Variants in NPAS1 observed in about 807,000 individuals in gnomAD.
NPAS1 encodes neuronal PAS domain protein 1, also known as neuronal PAS domain-containing protein 1.
NPAS1 carries 29 observed loss-of-function variants against 49.2 expected under a neutral mutation model. The ratio of observed to expected loss-of-function variants is 0.59; its 90% CI spans 0.44 to 0.80. The LOEUF is 0.80. Ranked by LOEUF, NPAS1 falls within the 30% of genes least tolerant of loss-of-function variation. NPAS1 has a pLI of 0.00. For missense variants in NPAS1, 825 were observed against 835.5 expected, an observed-to-expected ratio of 0.99 and a Z score of 0.15; for synonymous variants, 408 against 380.4, an observed-to-expected ratio of 1.07 and a Z score of -0.84.
intron 3 of NPAS1, among the ~76,000 whole-genome samples, chr19:47,023,808 A>G (rs1220766643): frequency 6.6e-6 from 1 of 152,088 alleles, no homozygotes; most frequent in Non-Finnish European, 1.5e-5. Flanking sequence ...CCATGTCCCT[A>G]CAAAAATAAA....
chr19:47,032,581 G>A lies in NPAS1; in HGVS notation c.433-62G>A, dbSNP rs1568503820. 4 of 1,476,594 alleles carry A rather than the reference G, an allele frequency of 2.7e-6. No homozygotes were observed. In the East Asian group the frequency reaches 9.0e-5, roughly 33 times the overall value. The allele number at this position is 1,476,594 out of a possible 1,614,324, so 91.5% of individuals were successfully genotyped here. ...CAGGTTTCAGAACCTCTTACCACTT[G>A]GCGGCTGGACAGAGGGACACCGGGT... On this transcript the variant is annotated intron_variant, in intron 4 of 11. Coordinates refer to ENST00000602212, the MANE Select transcript of NPAS1 (RefSeq NM_002517.4).
At chr19:47,041,247 C>T (rs546690535) in intron 10 of NPAS1, 122 bp downstream of exon 10, 15 of 948,274 alleles carry the variant, frequency 1.6e-5, no homozygotes, top group East Asian at 6.3e-5. Context: ...TCTGCAGACA[C>T]GAAGGGGAAG....
chr19:47,023,759 C>A (rs1248053675), intron 3 of NPAS1, among the ~76,000 whole-genome samples: 1 of 152,024 alleles, frequency 6.6e-6, no homozygotes, highest in Non-Finnish European at 1.5e-5. Flanking sequence ...TCGAGACCAG[C>A]CAGGGCAACA....
intron 3 of NPAS1, among the ~76,000 whole-genome samples, chr19:47,023,900 T>A (rs1369601356): frequency 3.3e-5 from 5 of 151,846 alleles, no homozygotes; most frequent in South Asian, 2.1e-4. Flanking sequence ...AGGTCAGGAG[T>A]TCGAGACCAT....
At chr19:47,023,240 C>T (rs1324595131) in intron 3 of NPAS1, among the ~76,000 whole-genome samples, 1 of 151,866 alleles carries the variant, frequency 6.6e-6, no homozygotes, top group Non-Finnish European at 1.5e-5. Context: ...GGGGGATAAA[C>T]ATCTTGTCTA....
intron 3 of NPAS1, among the ~76,000 whole-genome samples, chr19:47,030,056 C>G (rs1187204970): frequency 6.6e-6 from 1 of 152,036 alleles, no homozygotes; most frequent in Non-Finnish European, 1.5e-5. Flanking sequence ...TGGAGTCTCG[C>G]TCTGTCACCC....
intron 5 of NPAS1, chr19:47,035,218 G>GAAGAAA (rs1315177877): frequency 6.5e-6 from 1 of 153,508 alleles, no homozygotes; most frequent in African/African-American, 2.4e-5. Context: ...AGAAGAAGAA[G>GAAGAAA]AAGGAAAGGC....
Position 47,045,486 on chromosome 19 carries a change from G to A in NPAS1, c.1608G>A (p.Leu536=). Residue 536 remains leucine (L), a synonymous_variant, in exon 12 of 12, where the codon CTG becomes CTA. Transcript: ENST00000602212. ...AGFLPPVVRG[L]CTPGTIRYGP... The stretch of plus-strand genomic sequence containing the variant: ...TCCTGCCGCCGGTGGTGCGGGGCCT[G>A]TGCACACCCGGCACCATCCGCTACG... The A allele has an allele frequency of 1.3e-6, 2 of 1,566,028 alleles. No individual in the cohort carries two copies. Among genetic ancestry groups the A allele is most frequent in the Non-Finnish European group, 1.7e-6 (2 of 1,160,232 alleles).
intron 10 of NPAS1, among the ~76,000 whole-genome samples, chr19:47,041,373 A>G (rs1048082493): frequency 2.0e-5 from 3 of 152,072 alleles, no homozygotes; most frequent in Non-Finnish European, 4.4e-5. Context: ...GGGCAGGCTC[A>G]CAGCCTCCTC....
Position 47,041,037 on chromosome 19 carries a change from T to G in NPAS1, c.1129T>G (p.Phe377Val). The change falls in exon 10 of 12, where the codon TTC (phenylalanine) becomes GTC (valine). Residue 377 changes from phenylalanine (F) to valine (V), a missense_variant. Phe to Val is a conservative substitution (Grantham distance 50, BLOSUM62 -1). Coordinates refer to ENST00000602212, the MANE Select transcript of NPAS1 (RefSeq NM_002517.4). ...CCGTTGGCTGCAGCGTGCCGGGGGC[T>G]TCGTGTGGCTGCAGTCTGTGGCCAC... ...YYRWLQRAGG[F>V]VWLQSVATVA... The G allele has an allele frequency of 6.3e-7, 1 of 1,577,370 alleles. No individual in the cohort carries two copies. Among genetic ancestry groups the G allele is most frequent in the Admixed American group, 1.9e-5 (1 of 53,908 alleles).
chr19:47,032,539 C>T, intron 4 of NPAS1, 104 bp from the exon 5 acceptor site: 1 of 1,188,228 alleles, frequency 8.4e-7, no homozygotes, highest in Non-Finnish European at 1.2e-6. Flanking sequence ...CAAAACAGTC[C>T]ACCTCAGGTG....
At chr19:47,035,939 C>G in intron 5 of NPAS1, 25 bp from the exon 6 acceptor site, 1 of 1,499,802 alleles carries the variant, frequency 6.7e-7, no homozygotes, top group African/African-American at 1.4e-5. Flanking sequence ...CACCCGCCCC[C>G]TGCATTCCCC....
At chr19:47,040,813 C>T in intron 9 of NPAS1, 165 bp from the exon 10 acceptor site, 1 of 670,732 alleles carries the variant, frequency 1.5e-6, no homozygotes, top group Non-Finnish European at 2.5e-6. Context: ...CTCTCAGTCT[C>T]TCTGACTCTG....
Position 47,039,286 on chromosome 19 carries a change from GGTCACACAGT to G in NPAS1, c.805-117_805-108del, listed in dbSNP as rs969708663. On this transcript the variant is annotated intron_variant, in intron 7 of 11. Coordinates refer to ENST00000602212, the MANE Select transcript of NPAS1 (RefSeq NM_002517.4). The stretch of plus-strand genomic sequence containing the variant: ...CTGGGTCTGGGAATGGGACTGGGGG[GGTCACACAGT>G]GTCCAGTCCTCCAGCACCTGTGGGG... 2.7e-6 allele frequency: 4 copies of G among 1,477,554 alleles called. No individual in the cohort carries two copies. The African/African-American group carries it at 5.6e-5, about 21-fold the overall frequency. 91.5% of individuals were successfully genotyped at this position (1,477,554 alleles called of 1,614,324 possible). A position where few individuals can be genotyped will look rare whatever the true frequency, so the allele number is the denominator to read the frequency against.
chr19:47,021,613 C>T lies in NPAS1; in HGVS notation c.124C>T (p.Leu42=), dbSNP rs1282529540. The change falls in exon 3 of 12, where the codon CTG becomes TTG. Residue 42 remains leucine (L), a splice_region_variant and synonymous_variant. Coordinates refer to ENST00000602212, the MANE Select transcript of NPAS1 (RefSeq NM_002517.4). The surrounding 1 kb of genome is among the most constrained non-coding windows in gnomAD (Gnocchi z 5.7). ...ACCTCCTCCGCGCCGCCCGCCCAGC[C>T]TGCAGGCGCAGCGCAAGGAGAAGTC... The part of the protein sequence containing the change: ...LMVKAPSGPC[L]QAQRKEKSRN... The T allele has an allele frequency of 6.7e-7, 1 of 1,500,282 alleles. No homozygotes were observed. Among genetic ancestry groups the T allele is most frequent in the East Asian group, 2.6e-5 (1 of 37,940 alleles). 92.9% of individuals were successfully genotyped at this position (1,500,282 alleles called of 1,614,324 possible). A position where few individuals can be genotyped will look rare whatever the true frequency, so the allele number is the denominator to read the frequency against.
rs548612426 is a variant in NPAS1, at chr19:47,040,494, G to A, written c.1013G>A (p.Cys338Tyr). Residue 338 changes from cysteine (C) to tyrosine (Y), a missense_variant, in exon 9 of 12, where the codon TGC (cysteine) becomes TAC (tyrosine). Physicochemically the swap from Cys to Tyr is radical, Grantham distance 194. Transcript: ENST00000602212. ...LGPSELVGRS[C>Y]YQFVHGQDAT... Reference sequence around the variant, plus strand: ...CCCTCAGAGCTGGTGGGCCGCAGCTGCTACCAGTTTGTCCACGGACAGGAC... The same window carrying A: ...CCCTCAGAGCTGGTGGGCCGCAGCTACTACCAGTTTGTCCACGGACAGGAC... The A allele has an allele frequency of 3.7e-6, 6 of 1,605,116 alleles. No homozygotes were observed. Among genetic ancestry groups the A allele is most frequent in the Non-Finnish European group, 3.4e-6 (4 of 1,176,372 alleles).
rs1170715547 is a variant in NPAS1, at chr19:47,043,278, C to CAAAAAAA, written c.1312+387_1312+393dup. 5.9e-3 allele frequency among the ~76,000 whole-genome samples: 348 copies of CAAAAAAA among 58,582 alleles called. 41 individuals are homozygous for CAAAAAAA. Among genetic ancestry groups the CAAAAAAA allele is most frequent in the African/African-American group, 0.012 (166 of 13,528 alleles). 38.4% of individuals were successfully genotyped at this position (58,582 alleles called of 152,430 possible). ...CTAGCGACAGAGCGAGACTCTGTCT[C>CAAAAAAA]AAAAAAAAAAAAAAAAAAATTTAAA... is the stretch of plus-strand genomic sequence containing the variant. On this transcript the variant is annotated intron_variant, in intron 11 of 11. Transcript: ENST00000602212.
intron 9 of NPAS1, 133 bp from the exon 10 acceptor site, chr19:47,040,845 T>G (rs1008340661): frequency 1.4e-5 from 11 of 758,910 alleles, no homozygotes; most frequent in Non-Finnish European, 2.0e-5. Context: ...TTTCACCTTT[T>G]TCTCTTCTCC....
At chr19:47,032,442 G>A in intron 4 of NPAS1, 91 bp downstream of exon 4, 2 of 1,395,118 alleles carry the variant, frequency 1.4e-6, no homozygotes, top group Non-Finnish European at 2.0e-6. Flanking sequence ...TCCATCTATT[G>A]TGGGGGGTAC....
Sources: gnomAD v4.1 joint callset for allele counts (sites outside exome capture counted in the v4.1 genomes callset) on GRCh38, gnomAD v4.1.1 for gene constraint, Gnocchi (gnomAD v3.1) non-coding constraint, MANE v1.5 for transcripts, NCBI Gene and HGNC (gene_info 2026-07-23, HGNC 2026-07-21) for gene names.